CMSS1: variants seen among roughly 807,000 people sequenced by gnomAD.
CMSS1 encodes protein CMSS1.
In CMSS1, 33 loss-of-function variants were observed where a neutral mutation model predicts 43.5. The ratio of observed to expected loss-of-function variants is 0.76; its 90% confidence interval spans 0.57 to 1.01. The LOEUF (loss-of-function observed/expected upper bound fraction) is 1.01. Ranked by LOEUF, CMSS1 falls within the 50% of genes least tolerant of loss-of-function variation. The pLI is 0.00. For missense variants in CMSS1, 313 were observed against 326.4 expected (o/e 0.96, Z 0.32); for synonymous variants, 115 against 117.2 (o/e 0.98, Z 0.12).
At chr3:99,899,946 T>C (rs1296403612) in intron 1 of CMSS1, among the ~76,000 whole-genome samples, 3 of 152,208 alleles carry the variant, frequency 2.0e-5, no homozygotes, top group African/African-American at 7.2e-5. Flanking sequence ...ATTCCTAAGG[T>C]GCTAAATACG....
intron 1 of CMSS1, among the ~76,000 whole-genome samples, chr3:99,860,024 A>G (rs1944164321): frequency 6.6e-6 from 1 of 152,192 alleles, no homozygotes; most frequent in African/African-American, 2.4e-5. Flanking sequence ...GTAGAACAGT[A>G]ACACTTTTTT....
intron 1 of CMSS1, among the ~76,000 whole-genome samples, chr3:99,877,917 T>C (rs1190886114): frequency 6.6e-6 from 1 of 152,246 alleles, no homozygotes; most frequent in East Asian, 1.9e-4. Context: ...TAGGCAAATA[T>C]GTTTCCTAAC....
chr3:99,976,032 G>T lies in CMSS1; in HGVS notation c.64+157989G>T, dbSNP rs1219762084. Reference sequence around the variant, plus strand: ...CCCAAGTAGCTGGGACTACAGGCATGTGCCACTATGCCCAGCTAATTTTTG... The same window carrying T: ...CCCAAGTAGCTGGGACTACAGGCATTTGCCACTATGCCCAGCTAATTTTTG... On this transcript the variant is annotated intron_variant, in intron 1 of 9. Coordinates refer to ENST00000421999, the MANE Select transcript of CMSS1 (RefSeq NM_032359.4). Among the ~76,000 whole-genome samples, 3 of 152,178 alleles carry T rather than the reference G, an allele frequency of 2.0e-5. No homozygotes were observed. The East Asian group carries it at 5.8e-4, about 30-fold the overall frequency.
At chr3:99,855,139 T>C (rs1451343710) in intron 1 of CMSS1, among the ~76,000 whole-genome samples, 1 of 152,206 alleles carries the variant, frequency 6.6e-6, no homozygotes, top group Non-Finnish European at 1.5e-5. Flanking sequence ...TATTGATTTA[T>C]ACCCAGTCTG....
intron 1 of CMSS1, among the ~76,000 whole-genome samples, chr3:100,003,687 C>CATCTTCATACTTGATCTATG (rs1709907492): frequency 6.6e-6 from 1 of 152,048 alleles, no homozygotes; most frequent in Non-Finnish European, 1.5e-5. Context: ...TTCTTAAGGT[C>CATCTTCATACTTGATCTATG]ATCTTCATAC....
intron 1 of CMSS1, among the ~76,000 whole-genome samples, chr3:100,104,413 A>T (rs1391068427): frequency 1.3e-5 from 2 of 152,174 alleles, no homozygotes. Flanking sequence ...AAGAAATGTG[A>T]CCCACACTTT....
intron 1 of CMSS1, among the ~76,000 whole-genome samples, chr3:100,120,136 A>T (rs1466994049): frequency 6.6e-6 from 1 of 152,236 alleles, no homozygotes; most frequent in Non-Finnish European, 1.5e-5. Context: ...GTTTCCAGGG[A>T]CTATCTCTTC....
At chr3:100,165,517 T>G (rs1289378808) in intron 4 of CMSS1, among the ~76,000 whole-genome samples, 1 of 152,136 alleles carries the variant, frequency 6.6e-6, no homozygotes, top group Admixed American at 6.5e-5. Flanking sequence ...TGCTAATGCT[T>G]TCGTTCTGTT....
At chr3:100,133,809 A>G (rs2066729374) in intron 1 of CMSS1, among the ~76,000 whole-genome samples, 1 of 152,248 alleles carries the variant, frequency 6.6e-6, no homozygotes, top group South Asian at 2.1e-4. Context: ...GGATGAAGCA[A>G]TGAAGGACCT....
chr3:99,838,168 G>T (rs1456208383), intron 1 of CMSS1, among the ~76,000 whole-genome samples: 3 of 152,188 alleles, frequency 2.0e-5, no homozygotes, highest in African/African-American at 7.2e-5. Context: ...CACCTTTTGT[G>T]TTCTGAGAAC....
At chr3:99,851,320 C>A (rs1386761488) in intron 1 of CMSS1, among the ~76,000 whole-genome samples, 1 of 152,044 alleles carries the variant, frequency 6.6e-6, no homozygotes, top group Non-Finnish European at 1.5e-5. Flanking sequence ...AGAGTAAGGG[C>A]AAGAATATTT....
intron 1 of CMSS1, among the ~76,000 whole-genome samples, chr3:99,899,555 T>G (rs1706368658): frequency 6.6e-6 from 1 of 152,242 alleles, no homozygotes; most frequent in Admixed American, 6.5e-5. Flanking sequence ...TGATTGCTGT[T>G]GTTGCTTTTT....
intron 1 of CMSS1, chr3:99,849,598 G>T: frequency 6.2e-7 from 1 of 1,613,398 alleles, no homozygotes. Flanking sequence ...GCTGGTCTCT[G>T]TCTTTTCTGC....
intron 1 of CMSS1, among the ~76,000 whole-genome samples, chr3:100,102,935 C>A (rs2066334224): frequency 6.6e-6 from 1 of 152,180 alleles, no homozygotes; most frequent in African/African-American, 2.4e-5. Context: ...CAGAGCATAG[C>A]AGATTGGCAA....
intron 1 of CMSS1, among the ~76,000 whole-genome samples, chr3:99,933,103 A>T (rs1030914541): frequency 6.6e-5 from 10 of 152,210 alleles, no homozygotes; most frequent in Non-Finnish European, 1.3e-4. Flanking sequence ...TGCACAGCTA[A>T]TAAGTGGCAA....
intron 1 of CMSS1, among the ~76,000 whole-genome samples, chr3:99,852,514 C>T (rs1430604679): frequency 2.0e-5 from 3 of 152,026 alleles, no homozygotes; most frequent in Non-Finnish European, 2.9e-5. Context: ...GGGGCGATCT[C>T]GACTCACTGC....
intron 1 of CMSS1, among the ~76,000 whole-genome samples, chr3:99,880,681 T>A (rs1705696045): frequency 1.3e-5 from 2 of 152,048 alleles, no homozygotes; most frequent in African/African-American, 2.4e-5. Flanking sequence ...GTTTTAAAAT[T>A]AATTTAAAAT....
intron 1 of CMSS1, among the ~76,000 whole-genome samples, chr3:100,007,598 A>C (rs1250128961): frequency 6.6e-6 from 1 of 152,208 alleles, no homozygotes; most frequent in East Asian, 1.9e-4. Context: ...AGGCACAGAG[A>C]GGCCCAGAAT....
At chr3:100,145,447 C>CAA (rs111912083) in intron 1 of CMSS1, among the ~76,000 whole-genome samples, 51 of 137,624 alleles carry the variant, frequency 3.7e-4, no homozygotes, top group African/African-American at 1.2e-3. Flanking sequence ...GATTCCGTCT[C>CAA]AAAAAAAAAA....
Sources: gnomAD v4.1 joint callset for allele counts (sites outside exome capture counted in the v4.1 genomes callset) on GRCh38, gnomAD v4.1.1 for gene constraint, MANE v1.5 for transcripts, NCBI Gene and HGNC (gene_info 2026-07-23, HGNC 2026-07-21) for gene names.